REG1B: variants seen among roughly 807,000 people sequenced by gnomAD.
REG1B encodes lithostathine-1-beta.
Under a neutral mutation model 20.4 loss-of-function variants are expected in REG1B, and 21 were observed. That is an observed-to-expected ratio of 1.03 (90% confidence interval 0.73 to 1.48). The LOEUF (loss-of-function observed/expected upper bound fraction) is 1.48, where lower values mean the gene tolerates loss of function less well. REG1B is among the 40% of genes most tolerant of loss of function. The probability of loss-of-function intolerance (pLI) is 0.00; values close to 1 mark genes in which losing one functional copy is unlikely to be tolerated. For missense variants in REG1B, 247 were observed against 197.2 expected (o/e 1.25, Z -1.51); for synonymous variants, 82 against 73.4 (o/e 1.12, Z -0.60).
At position 79,086,364 on chromosome 2, in the gene REG1B, G is replaced by C; in HGVS notation, c.321+3C>G. On this transcript the variant is annotated splice_donor_region_variant and intron_variant, in intron 4 of 5. Transcript: ENST00000305089. ...AAGGAGATAGAGGTGGCTGCAGACT[G>C]ACCTTTTTTGGGTCATGGAGGCCAA... 1 of 1,614,002 alleles carries C rather than the reference G, an allele frequency of 6.2e-7. No individual in the cohort carries two copies. Among genetic ancestry groups the C allele is most frequent in the Non-Finnish European group, 8.5e-7 (1 of 1,179,920 alleles).
rs1672402473 is a variant in REG1B at position 79,086,524 on chromosome 2, AGC to A, written c.184-22_184-21del. Reference sequence around the variant, plus strand: ...ATAGAGCTGTTGGAGAAGAAAATGGAGCACTCAGTGGAGAAGGAAGGTGTGAG... The same window carrying A: ...ATAGAGCTGTTGGAGAAGAAAATGGAACTCAGTGGAGAAGGAAGGTGTGAG... On this transcript the variant is annotated intron_variant, in intron 3 of 5. Coordinates refer to ENST00000305089, the MANE Select transcript of REG1B (RefSeq NM_006507.4). 1 of 1,612,608 alleles carries A rather than the reference AGC, an allele frequency of 6.2e-7. No homozygotes were observed. Among genetic ancestry groups the A allele is most frequent in the East Asian group, 2.2e-5 (1 of 44,866 alleles).
Position 79,085,295 on chromosome 2 carries a change from T to C in REG1B, c.434-12A>G. The C allele has an allele frequency of 1.8e-5, 29 of 1,595,114 alleles. No individual in the cohort carries two copies. Among genetic ancestry groups the C allele is most frequent in the Non-Finnish European group, 2.4e-5 (28 of 1,162,792 alleles). On this transcript the variant is annotated splice_polypyrimidine_tract_variant and intron_variant, in intron 5 of 5. Transcript: ENST00000305089. ...CCATTTCTTGAATCCTATGGTACAA[T>C]GAGAAGTGTCAGACATAGAGGATCA...
intron 2 of REG1B, 107 bp downstream of exon 2, chr2:79,087,442 A>C (rs1368116954): frequency 1.6e-5 from 18 of 1,147,256 alleles, no homozygotes; most frequent in Non-Finnish European, 2.3e-5. Context: ...GAACAACATA[A>C]AAAAACCCTG....
At chr2:79,087,090 T>C in intron 2 of REG1B, 160 bp from the exon 3 acceptor site, 1 of 631,186 alleles carries the variant, frequency 1.6e-6, no homozygotes, top group Non-Finnish European at 2.8e-6. Context: ...CTATCTCTTT[T>C]CTCTCTAGTT....
At position 79,086,499 on chromosome 2, in the gene REG1B, A is replaced by G. The variant is rs779104561; in HGVS notation, c.189T>C (p.Tyr63=). The change falls in exon 4 of 6, where the codon TAT becomes TAC. Residue 63 remains tyrosine, a synonymous_variant. Coordinates refer to ENST00000305089, the MANE Select transcript of REG1B (RefSeq NM_006507.4). ...DPETWVDADL[Y]CQNMNSGNLV... is the part of the protein sequence containing the mutation. ...GGTTGCCTGAATTCATGTTCTGGCA[A>G]TAGAGCTGTTGGAGAAGAAAATGGA... 3.7e-6 allele frequency: 6 copies of G among 1,613,590 alleles called. No individual in the cohort carries two copies. In the South Asian group the frequency reaches 6.6e-5, roughly 18 times the overall value.
chr2:79,087,690 G>A, intron 1 of REG1B, 32 bp from the exon 2 acceptor site: 1 of 1,393,998 alleles, frequency 7.2e-7, no homozygotes, highest in Non-Finnish European at 1.0e-6. Flanking sequence ...AGGGTTTGAA[G>A]AAGAGAGCAG....
chr2:79,086,774 T>C, intron 3 of REG1B, 38 bp downstream of exon 3: 1 of 1,583,284 alleles, frequency 6.3e-7, no homozygotes, highest in Non-Finnish European at 8.7e-7. Flanking sequence ...GCCTCTACCT[T>C]CATAAGCCTC....
intron 3 of REG1B, 92 bp downstream of exon 3, chr2:79,086,720 T>C (rs777885449): frequency 1.5e-6 from 2 of 1,364,454 alleles, no homozygotes; most frequent in South Asian, 1.2e-5. Context: ...AAGGGATCAA[T>C]CTTATCTCAT....
chr2:79,085,886 T>C, intron 4 of REG1B: 1 of 285,738 alleles, frequency 3.5e-6, no homozygotes, highest in Non-Finnish European at 6.6e-6. Flanking sequence ...TTTTCCTGAA[T>C]CTCAGAACTC....
chr2:79,086,706 A>C, intron 3 of REG1B, 106 bp downstream of exon 3: 1 of 1,319,560 alleles, frequency 7.6e-7, no homozygotes, highest in Non-Finnish European at 1.1e-6. Context: ...GTGGTGGAAT[A>C]GGGAAGGGAT....
At chr2:79,086,316 T>G in intron 4 of REG1B, 51 bp downstream of exon 4, 3 of 1,606,764 alleles carry the variant, frequency 1.9e-6, no homozygotes, top group Non-Finnish European at 2.6e-6. Flanking sequence ...TAAACGTCCC[T>G]CTTACCTCTC....
intron 2 of REG1B, chr2:79,087,180 C>T: frequency 1.8e-6 from 1 of 540,748 alleles, no homozygotes; most frequent in South Asian, 2.5e-5. Context: ...GAGGCTGAGG[C>T]TTCTGCCTTT....
chr2:79,085,793 C>T (rs1345498082), intron 4 of REG1B, 190 bp from the exon 5 acceptor site: 3 of 442,420 alleles, frequency 6.8e-6, no homozygotes, highest in African/African-American at 2.0e-5. Flanking sequence ...CCGAATTCCT[C>T]CTCCTCTTCC....
rs201287638 is a variant in REG1B at position 79,085,537 on chromosome 2, T to C, written c.388A>G (p.Ser130Gly). The change falls in exon 5 of 6, where the codon AGC becomes GGC. Residue 130 changes from serine to glycine, a missense_variant. Physicochemically the swap from Ser to Gly is moderately conservative, Grantham distance 56. Transcript: ENST00000305089. Reference sequence around the variant, plus strand: ...GCACAGTAGCCAGCATTAGCACTGCTCGGGGATCCAGTGTCCCAGGACTTG... The same window carrying C: ...GCACAGTAGCCAGCATTAGCACTGCCCGGGGATCCAGTGTCCCAGGACTTG... ...SYKSWDTGSP[S>G]SANAGYCASL... The C allele has an allele frequency of 5.6e-6, 9 of 1,613,840 alleles. No individual in the cohort carries two copies. In the Admixed American group the frequency reaches 1.2e-4, roughly 21 times the overall value.
rs776985014 is a variant in REG1B at position 79,085,548 on chromosome 2, G to A, written c.377C>T (p.Thr126Ile). 2 of 1,613,858 alleles carry A rather than the reference G, an allele frequency of 1.2e-6. No individual in the cohort carries two copies. The highest frequency in any genetic ancestry group is 1.7e-6 in the Non-Finnish European group (2 of 1,179,878). The part of the protein sequence containing the change: ...GSLVSYKSWD[T>I]GSPSSANAGY... The stretch of plus-strand genomic sequence containing the variant: ...AGCATTAGCACTGCTCGGGGATCCA[G>A]TGTCCCAGGACTTGTAGGAGACCAG... The change falls in exon 5 of 6, where the codon ACT (threonine) becomes ATT (isoleucine). Residue 126 changes from threonine to isoleucine, a missense_variant. Transcript: ENST00000305089.
chr2:79,085,140 G>C lies in REG1B; in HGVS notation c.*76C>G. 2.9e-6 allele frequency: 3 copies of C among 1,029,800 alleles called. No individual in the cohort carries two copies. The highest frequency in any genetic ancestry group is 4.6e-6 in the Non-Finnish European group (3 of 652,910). The allele number at this position is 1,029,800 out of a possible 1,614,324, so 63.8% of individuals were successfully genotyped here. A position where few individuals can be genotyped will look rare whatever the true frequency, so the allele number is the denominator to read the frequency against. The stretch of plus-strand genomic sequence containing the variant: ...GGAGGAGATGGTCTGAACTGAGTTG[G>C]AGACATAGTCTAGTTTAATTTTTGA... On this transcript the variant is annotated 3_prime_UTR_variant, in exon 6 of 6. Coordinates refer to ENST00000305089, the MANE Select transcript of REG1B (RefSeq NM_006507.4).
chr2:79,085,244 A>T lies in REG1B; in HGVS notation c.473T>A (p.Phe158Tyr), dbSNP rs1463507931. ...GTTTTTGAACTTGCAAACAAAGGAGAACTTCTTCTCACAAGATTCATCCTT... is the reference window on the plus strand; with the variant it reads ...GTTTTTGAACTTGCAAACAAAGGAGTACTTCTTCTCACAAGATTCATCCTT... ...KWKDESCEKKFSFVCKFKN is the reference protein window; with the variant it reads ...KWKDESCEKKYSFVCKFKN Residue 158 changes from phenylalanine to tyrosine, a missense_variant, in exon 6 of 6, where the codon TTC becomes TAC. Phe to Tyr is a conservative substitution (Grantham distance 22). Transcript: ENST00000305089. 1 of 1,613,520 alleles carries T rather than the reference A, an allele frequency of 6.2e-7. No homozygotes were observed. Among genetic ancestry groups the T allele is most frequent in the Non-Finnish European group, 8.5e-7 (1 of 1,179,490 alleles).
Position 79,087,539 on chromosome 2 carries a change from A to G in REG1B, c.64+10T>C. 2 of 1,613,498 alleles carry G rather than the reference A, an allele frequency of 1.2e-6. No individual in the cohort carries two copies. The highest frequency in any genetic ancestry group is 1.1e-5 in the South Asian group (1 of 91,010). On this transcript the variant is annotated intron_variant, in intron 2 of 5. Transcript: ENST00000305089. The stretch of plus-strand genomic sequence containing the variant: ...GTTGGGGTTGTGGGAAGTGTGGGGG[A>G]AAATCTCACCTTGGCTCAGAGACAG...
rs753213441 is a variant in REG1B at position 79,085,522 on chromosome 2, C to G, written c.403G>C (p.Gly135Arg). 3 of 1,613,762 alleles carry G rather than the reference C, an allele frequency of 1.9e-6. No homozygotes were observed. The South Asian group carries it at 3.3e-5, about 18-fold the overall frequency. ...CATGAAGTCAGGCTTGCACAGTAGC[C>G]AGCATTAGCACTGCTCGGGGATCCA... ...DTGSPSSANAGYCASLTSCSG... is the reference protein window; with the variant it reads ...DTGSPSSANARYCASLTSCSG... Residue 135 changes from glycine to arginine, a missense_variant, in exon 5 of 6, where the codon GGC becomes CGC. By Grantham distance (125) the Gly-to-Arg change is moderately radical. Coordinates refer to ENST00000305089, the MANE Select transcript of REG1B (RefSeq NM_006507.4).
Sources: gnomAD v4.1 joint callset for allele counts on GRCh38, gnomAD v4.1.1 for gene constraint, MANE v1.5 for transcripts, NCBI Gene and HGNC (gene_info 2026-07-23, HGNC 2026-07-21) for gene names.